Variants in BLTP3B observed in about 807,000 individuals in gnomAD.
The protein encoded by BLTP3B is bridge-like lipid transfer protein family member 3B, also known as UHRF1 (ICBP90) binding protein 1-like.
the BLTP3B span, among the ~76,000 whole-genome samples, chr12:100,085,587 A>T: frequency 6.6e-6 from 1 of 152,190 alleles, no homozygotes; most frequent in African/African-American, 2.4e-5. Context: ...AACATTGGTT[A>T]AAAAACGTGT....
chr12:100,059,355 GTA>G, the BLTP3B span: 1 of 1,613,936 alleles, frequency 6.2e-7, no homozygotes, highest in Non-Finnish European at 8.5e-7. Context: ...GGGGAAGCTG[GTA>G]TATGTTTTAC....
chr12:100,087,511 C>T, the BLTP3B span, among the ~76,000 whole-genome samples: 2 of 152,094 alleles, frequency 1.3e-5, no homozygotes, highest in African/African-American at 2.4e-5. Context: ...ACGGTATATA[C>T]AGGATATACC....
chr12:100,057,404 T>G, the BLTP3B span, among the ~76,000 whole-genome samples: 349 of 152,188 alleles, frequency 2.3e-3, 7 homozygotes, highest in East Asian at 0.04. Flanking sequence ...TATTAATAAT[T>G]AACAATTACT....
At chr12:100,048,941 A>G in the BLTP3B span, among the ~76,000 whole-genome samples, 1 of 152,124 alleles carries the variant, frequency 6.6e-6, no homozygotes, top group Non-Finnish European at 1.5e-5. Context: ...TTAAAAAACA[A>G]AAGTTCCTAG....
chr12:100,039,711 T>C, the BLTP3B span: 1 of 1,614,068 alleles, frequency 6.2e-7, no homozygotes, highest in Non-Finnish European at 8.5e-7. Context: ...CTTCAGATCA[T>C]ACTTTCCACT....
the BLTP3B span, among the ~76,000 whole-genome samples, chr12:100,053,524 T>C: frequency 6.3e-4 from 96 of 152,342 alleles, no homozygotes; most frequent in African/African-American, 2.2e-3. Context: ...TATGTGTTTA[T>C]ATGTGTTCAT....
the BLTP3B span, among the ~76,000 whole-genome samples, chr12:100,081,093 C>T: frequency 1.3e-5 from 2 of 152,240 alleles, no homozygotes; most frequent in Non-Finnish European, 2.9e-5. Context: ...TTTGCTCCTC[C>T]TTGCCTTCCG....
the BLTP3B span, chr12:100,142,657 G>T: frequency 6.2e-7 from 1 of 1,604,442 alleles, no homozygotes; most frequent in Admixed American, 1.7e-5. Flanking sequence ...TGGAGACGCC[G>T]CGGTCTCGTC....
chr12:100,037,156 T>A, the BLTP3B span: 1 of 904,322 alleles, frequency 1.1e-6, no homozygotes, highest in Non-Finnish European at 1.3e-6. Context: ...AAGTACATAA[T>A]TTTAATAACA....
chr12:100,048,853 A>C, the BLTP3B span, among the ~76,000 whole-genome samples: 2 of 149,834 alleles, frequency 1.3e-5, no homozygotes, highest in Non-Finnish European at 3.0e-5. Context: ...CCCCCCAAAA[A>C]ATTTATAGAT....
At chr12:100,131,280 C>T in the BLTP3B span, among the ~76,000 whole-genome samples, 1 of 148,788 alleles carries the variant, frequency 6.7e-6, no homozygotes, top group East Asian at 2.0e-4. Context: ...CACTGCACTC[C>T]AGCCTGGGTG....
chr12:100,089,525 A>G, the BLTP3B span, among the ~76,000 whole-genome samples: 3 of 152,278 alleles, frequency 2.0e-5, no homozygotes, highest in Middle Eastern at 3.4e-3. Flanking sequence ...GTGCCACTGC[A>G]CTCCAGCCTG....
chr12:100,140,729 AATATATATAT>A, the BLTP3B span, among the ~76,000 whole-genome samples: 9 of 61,492 alleles, frequency 1.5e-4, no homozygotes, highest in African/African-American at 9.2e-4. Flanking sequence ...AAAAAAAAAA[AATATATATAT>A]ATATATATAT....
the BLTP3B span, among the ~76,000 whole-genome samples, chr12:100,129,525 A>G: frequency 1.3e-5 from 2 of 152,246 alleles, no homozygotes; most frequent in Non-Finnish European, 2.9e-5. Flanking sequence ...CTTCTAAAAC[A>G]TTGCCAGGGC....
At chr12:100,139,953 C>CAT in the BLTP3B span, among the ~76,000 whole-genome samples, 8 of 152,188 alleles carry the variant, frequency 5.3e-5, no homozygotes, top group Non-Finnish European at 8.8e-5. Flanking sequence ...CAATGGGTTG[C>CAT]ATACACAGGC....
the BLTP3B span, among the ~76,000 whole-genome samples, chr12:100,124,959 TA>T: frequency 9.4e-5 from 10 of 106,156 alleles, 1 homozygote; most frequent in African/African-American, 4.1e-4. Flanking sequence ...TATATATATA[TA>T]TATATATATA....
chr12:100,062,444 C>T, the BLTP3B span, among the ~76,000 whole-genome samples: 2 of 152,138 alleles, frequency 1.3e-5, no homozygotes, highest in African/African-American at 4.8e-5. Flanking sequence ...CATGAGGGTG[C>T]AACATACTAT....
chr12:100,042,194 A>C, the BLTP3B span, among the ~76,000 whole-genome samples: 2 of 152,226 alleles, frequency 1.3e-5, no homozygotes, highest in African/African-American at 4.8e-5. Flanking sequence ...TACAGCTTTA[A>C]CACAATCCCT....
At chr12:100,085,133 T>C in the BLTP3B span, among the ~76,000 whole-genome samples, 4 of 152,170 alleles carry the variant, frequency 2.6e-5, no homozygotes, top group African/African-American at 7.2e-5. Flanking sequence ...TACTCAGCCA[T>C]AGTTAGTTTT....
Sources: allele counts gnomAD v4.1 joint callset (sites outside exome capture counted in the v4.1 genomes callset), GRCh38; gene constraint gnomAD v4.1.1; transcripts MANE v1.5; gene names NCBI Gene and HGNC (gene_info 2026-07-23, HGNC 2026-07-21).